The following SAMSN1 variants were observed in gnomAD, a reference collection of about 807,000 sequenced individuals.
SAMSN1 encodes the protein SAM domain-containing protein SAMSN-1.
SAMSN1 carries 31 observed loss-of-function variants against 42.0 expected under a neutral mutation model. The observed-to-expected ratio is 0.74, with a 90% CI of 0.55 to 1.00. SAMSN1 has a LOEUF of 1.00. SAMSN1 is among the 50% of genes least tolerant of loss of function. The pLI is 0.00. For missense variants in SAMSN1, 464 were observed against 439.4 expected, an observed-to-expected ratio of 1.06 and a Z score of -0.50; for synonymous variants, 178 against 151.9, an observed-to-expected ratio of 1.17 and a Z score of -1.26.
chr21:14,537,377 T>A (rs1292041463), intron 1 of SAMSN1, among the ~76,000 whole-genome samples: 1 of 151,860 alleles, frequency 6.6e-6, no homozygotes, highest in East Asian at 1.9e-4. Flanking sequence ...TTCTGTTAAT[T>A]TTTTTTTCTT....
At chr21:14,539,183 A>G (rs1220943443) in intron 1 of SAMSN1, among the ~76,000 whole-genome samples, 1 of 152,226 alleles carries the variant, frequency 6.6e-6, no homozygotes, top group Non-Finnish European at 1.5e-5. Flanking sequence ...TTGTACTGAT[A>G]CACAAACATT....
intron 1 of SAMSN1, among the ~76,000 whole-genome samples, chr21:14,654,470 C>T (rs1387546655): frequency 6.6e-6 from 1 of 152,022 alleles, no homozygotes; most frequent in Non-Finnish European, 1.5e-5. Context: ...AAACAGACAG[C>T]ATTGGACAGA....
At chr21:14,581,844 GTTCAC>G (rs1207141144) in intron 2 of SAMSN1, among the ~76,000 whole-genome samples, 1 of 152,042 alleles carries the variant, frequency 6.6e-6, no homozygotes, top group African/African-American at 2.4e-5. Context: ...AATTTAGACA[GTTCAC>G]TTCACATTTT....
intron 2 of SAMSN1, chr21:14,619,619 T>G (rs1456427534): frequency 1.0e-5 from 3 of 299,096 alleles, no homozygotes; most frequent in Non-Finnish European, 1.4e-5. Flanking sequence ...CAGACACTGT[T>G]GTAGGGGAGA....
chr21:14,638,400 T>C (rs1983517122), intron 2 of SAMSN1, among the ~76,000 whole-genome samples: 1 of 152,194 alleles, frequency 6.6e-6, no homozygotes, highest in Non-Finnish European at 1.5e-5. Context: ...ACTTTTCAAG[T>C]ACTCAATTGC....
At chr21:14,637,892 G>A (rs1185780483) in intron 2 of SAMSN1, among the ~76,000 whole-genome samples, 3 of 152,096 alleles carry the variant, frequency 2.0e-5, no homozygotes, top group Non-Finnish European at 4.4e-5. Context: ...CATCCTTCAC[G>A]TACACTGCAA....
At chr21:14,548,965 C>G (rs1980514675), upstream of SAMSN1, among the ~76,000 whole-genome samples, 1 of 152,134 alleles carries the variant, frequency 6.6e-6, no homozygotes, top group African/African-American at 2.4e-5. Context: ...TGCAAAAGCA[C>G]AGTCTTGGTG....
intron 1 of SAMSN1, among the ~76,000 whole-genome samples, chr21:14,522,265 C>G (rs1978543066): frequency 6.6e-6 from 1 of 152,168 alleles, no homozygotes; most frequent in Non-Finnish European, 1.5e-5. Flanking sequence ...ATCCCTTAAA[C>G]ATATTTTAAA....
rs117008988 is a variant in SAMSN1 at position 14,541,372 on chromosome 21, C to A, written c.57+4833G>T. 7.3e-5 allele frequency among the ~76,000 whole-genome samples: 11 copies of A among 151,550 alleles called. No individual in the cohort carries two copies. The East Asian group carries it at 2.1e-3, about 29-fold the overall frequency. Reference sequence around the variant, plus strand: ...CTTGAGTGAGTATCCATACTTGAACCAGGCTGTATGTAGTAGACCAAGGGT... The same window carrying A: ...CTTGAGTGAGTATCCATACTTGAACAAGGCTGTATGTAGTAGACCAAGGGT... On this transcript the variant is annotated intron_variant, in intron 1 of 7. Transcript: ENST00000400566.
Position 14,498,475 on chromosome 21 carries a change from G to A in SAMSN1, c.886C>T (p.Leu296=). Residue 296 remains leucine, a synonymous_variant, in exon 7 of 8, where the codon CTA becomes TTA. Transcript: ENST00000400566. ...TCAAGGAAGTTTTCAGCAGCTGATAGTAACCTTCTTCTGTCATCTGGGTTT... is the reference window on the plus strand; with the variant it reads ...TCAAGGAAGTTTTCAGCAGCTGATAATAACCTTCTTCTGTCATCTGGGTTT... The part of the protein sequence containing the change: ...IENPDDRRRL[L]SAAENFLEEE... 6.2e-7 allele frequency: 1 copy of A among 1,610,964 alleles called. No individual in the cohort carries two copies. Among genetic ancestry groups the A allele is most frequent in the Non-Finnish European group, 8.5e-7 (1 of 1,179,144 alleles).
intron 2 of SAMSN1, among the ~76,000 whole-genome samples, chr21:14,628,041 A>G (rs1213606288): frequency 6.6e-6 from 1 of 152,190 alleles, no homozygotes; most frequent in African/African-American, 2.4e-5. Context: ...AGGAGCTGAA[A>G]TTATTTTTAT....
At chr21:14,560,437 T>C (rs1307027965) in intron 2 of SAMSN1, among the ~76,000 whole-genome samples, 4 of 152,124 alleles carry the variant, frequency 2.6e-5, no homozygotes, top group Non-Finnish European at 5.9e-5. Flanking sequence ...GAATTTAGTA[T>C]ATAGTTTAAT....
In SAMSN1 at chr21:14,490,208, ATC is replaced by A. The variant is rs530077380; in HGVS notation, c.920-4096_920-4095del. Reference sequence around the variant, plus strand: ...CATAGGAAAATTCCTGGCTAAAGGAATCTCTCAATAAATAATTTTTTAATAAA... The same window carrying A: ...CATAGGAAAATTCCTGGCTAAAGGAATCTCAATAAATAATTTTTTAATAAA... On this transcript the variant is annotated intron_variant, in intron 7 of 7. Transcript: ENST00000400566. Among the ~76,000 whole-genome samples, 12 of 152,298 alleles carry A rather than the reference ATC, an allele frequency of 7.9e-5. 1 individual carries two copies. The South Asian group carries it at 2.5e-3, about 32-fold the overall frequency.
chr21:14,585,947 T>C (rs741929), upstream of SAMSN1, among the ~76,000 whole-genome samples: 2 of 152,024 alleles, frequency 1.3e-5, no homozygotes, highest in African/African-American at 2.4e-5. Flanking sequence ...ATTACAACTA[T>C]GTATTAAAAA....
At chr21:14,626,888 C>A (rs1455281146) in intron 2 of SAMSN1, among the ~76,000 whole-genome samples, 1 of 152,094 alleles carries the variant, frequency 6.6e-6, no homozygotes, top group Non-Finnish European at 1.5e-5. Context: ...AAATGTCCAT[C>A]AATGATAGAC....
intron 7 of SAMSN1, among the ~76,000 whole-genome samples, chr21:14,497,552 G>A (rs1010662069): frequency 2.6e-5 from 4 of 152,134 alleles, no homozygotes; most frequent in South Asian, 2.1e-4. Context: ...AGATCGCACC[G>A]CTGCGCTCCA....
At chr21:14,537,059 T>C (rs1369781861) in intron 1 of SAMSN1, among the ~76,000 whole-genome samples, 2 of 152,344 alleles carry the variant, frequency 1.3e-5, no homozygotes, top group African/African-American at 4.8e-5. Context: ...CCCACTAAAC[T>C]GTAGGCCAGA....
intron 2 of SAMSN1, among the ~76,000 whole-genome samples, chr21:14,569,471 C>T (rs2822774): frequency 0.039 from 5,926 of 152,150 alleles, 158 homozygotes; most frequent in African/African-American, 0.069. Flanking sequence ...AAAATTAGTG[C>T]TGATGATATT....
intron 5 of SAMSN1, among the ~76,000 whole-genome samples, chr21:14,510,023 C>T (rs371232424): frequency 0.013 from 1,942 of 152,042 alleles, 30 homozygotes; most frequent in Middle Eastern, 0.041. Flanking sequence ...CCTGTAGTCC[C>T]AGCTACTCGG....
Sources: allele counts gnomAD v4.1 joint callset (sites outside exome capture counted in the v4.1 genomes callset), GRCh38; gene constraint gnomAD v4.1.1; transcripts MANE v1.5; gene names NCBI Gene and HGNC (gene_info 2026-07-23, HGNC 2026-07-21).